The following AUH variants were observed in gnomAD, a reference collection of about 807,000 sequenced individuals.
AUH encodes the protein AU RNA binding methylglutaconyl-CoA hydratase.
A neutral mutation model predicts 42.3 loss-of-function variants in AUH; 29 were observed. The ratio of observed to expected loss-of-function variants is 0.69; its 90% confidence interval spans 0.51 to 0.93. The LOEUF is 0.93. Among genes scored for constraint, AUH ranks in the 40% least tolerant of loss-of-function variants. The probability of loss-of-function intolerance (pLI) is 0.00; values close to 1 mark genes in which losing one functional copy is unlikely to be tolerated. For synonymous variants in AUH, 174 were observed against 166.4 expected, an observed-to-expected ratio of 1.05 and a Z score of -0.35; for missense variants, 452 against 438.1, an observed-to-expected ratio of 1.03 and a Z score of -0.28.
Position 91,304,579 on chromosome 9 carries a change from G to T in AUH, c.506-6503C>A, listed in dbSNP as rs141723594. ...CAGCACCTTGTACCTAAAGCTTATA[G>T]GAAATATATAACACAAAATGACAAG... On this transcript the variant is annotated intron_variant, in intron 4 of 9. Transcript: ENST00000375731. 6.4e-4 allele frequency among the ~76,000 whole-genome samples: 98 copies of T among 152,204 alleles called. 1 individual carries two copies. In the East Asian group the frequency reaches 0.017, roughly 27 times the overall value.
rs1827480584 is a variant in AUH, at chr9:91,297,984, C to T, written c.598G>A (p.Ala200Thr). ...TGTTTTTAACAGGATTAATTCTTACCTGCTACTCGTATATCACAGGCTAAA... is the reference window on the plus strand; with the variant it reads ...TGTTTTTAACAGGATTAATTCTTACTTGCTACTCGTATATCACAGGCTAAA... ...LALACDIRVA[A>T]SSAKMGLVET... Residue 200 changes from alanine (A) to threonine (T), a missense_variant and splice_region_variant, in exon 5 of 10, where the codon GCT becomes ACT. Transcript: ENST00000375731. 1 of 1,595,440 alleles carries T rather than the reference C, an allele frequency of 6.3e-7. No individual in the cohort carries two copies. The highest frequency in any genetic ancestry group is 1.3e-5 in the African/African-American group (1 of 74,530).
At chr9:91,227,689 T>C (rs1402424040) in intron 6 of AUH, among the ~76,000 whole-genome samples, 5 of 148,352 alleles carry the variant, frequency 3.4e-5, no homozygotes, top group Non-Finnish European at 7.5e-5. Flanking sequence ...GGCTGTGGGT[T>C]TGTCATAGAT....
At chr9:91,251,902 G>C (rs909049673) in intron 6 of AUH, among the ~76,000 whole-genome samples, 3 of 152,104 alleles carry the variant, frequency 2.0e-5, no homozygotes, top group Non-Finnish European at 1.5e-5. Context: ...AGCTCCAGAT[G>C]CTGTTGACAA....
At position 91,217,188 on chromosome 9, in the gene AUH, A is replaced by C. The variant is rs1338154105; in HGVS notation, c.894+89T>G. On this transcript the variant is annotated intron_variant, in intron 8 of 9. Transcript: ENST00000375731. ...TTAAACAACCATATTTTAGAACTTT[A>C]AAAAAAATGTAGAAGTCTAAACATG... 3.0e-6 allele frequency: 4 copies of C among 1,336,780 alleles called. No individual in the cohort carries two copies. The Admixed American group carries it at 7.6e-5, about 25-fold the overall frequency. The allele number at this position is 1,336,780 out of a possible 1,614,324, so 82.8% of individuals were successfully genotyped here.
chr9:91,220,911 T>C lies in AUH; in HGVS notation c.737A>G (p.Lys246Arg), dbSNP rs1181609251. 3 of 1,614,246 alleles carry C rather than the reference T, an allele frequency of 1.9e-6. No homozygotes were observed. The South Asian group carries it at 3.3e-5, about 18-fold the overall frequency. ...LIFSARVLDG[K>R]EAKAVGLISH... ...GATTAAGCCCACTGCTTTGGCTTCT[T>C]TGCCATCGAGGACTCGCGCAGAGAA... Residue 246 changes from lysine to arginine, a missense_variant, in exon 7 of 10, where the codon AAA becomes AGA. Physicochemically the swap from Lys to Arg is conservative, Grantham distance 26. Coordinates refer to ENST00000375731, the MANE Select transcript of AUH (RefSeq NM_001698.3).
chr9:91,246,210 C>T (rs1417180939), intron 6 of AUH, among the ~76,000 whole-genome samples: 1 of 152,100 alleles, frequency 6.6e-6, no homozygotes, highest in Non-Finnish European at 1.5e-5. Flanking sequence ...AGAATCAACC[C>T]AAAGCTCACT....
chr9:91,307,485 T>C (rs1828318430), intron 4 of AUH, among the ~76,000 whole-genome samples: 1 of 152,134 alleles, frequency 6.6e-6, no homozygotes, highest in South Asian at 2.1e-4. Context: ...TTAAAAAATA[T>C]TACACGGAAA....
chr9:91,241,235 T>G (rs571813212), intron 6 of AUH, among the ~76,000 whole-genome samples: 1 of 152,290 alleles, frequency 6.6e-6, no homozygotes, highest in East Asian at 1.9e-4. Context: ...TGGACTCTTC[T>G]GTAGCAGCAT....
At chr9:91,240,670 T>C (rs995676078) in intron 6 of AUH, among the ~76,000 whole-genome samples, 3 of 151,918 alleles carry the variant, frequency 2.0e-5, no homozygotes, top group Admixed American at 6.6e-5. Flanking sequence ...TTTTAGTTCA[T>C]TCTGATCAAT....
chr9:91,264,494 A>T (rs1042673096), intron 6 of AUH, among the ~76,000 whole-genome samples: 2 of 152,212 alleles, frequency 1.3e-5, no homozygotes, highest in African/African-American at 4.8e-5. Context: ...TTGTATAGCC[A>T]TTATTACCTC....
In AUH at chr9:91,296,014, C is replaced by T. The variant is rs748099966; in HGVS notation, c.655+7G>A. 1.5e-5 allele frequency: 25 copies of T among 1,613,898 alleles called. No individual in the cohort carries two copies. The highest frequency in any genetic ancestry group is 1.7e-5 in the Non-Finnish European group (20 of 1,179,962). On this transcript the variant is annotated splice_region_variant and intron_variant, in intron 6 of 9. Coordinates refer to ENST00000375731, the MANE Select transcript of AUH (RefSeq NM_001698.3). The stretch of plus-strand genomic sequence containing the variant: ...GGATTTGAGGAATGGGCGTGAACTA[C>T]TCATACCTCCACCAGGAATAATCGC...
chr9:91,245,203 T>A (rs1210579792), intron 6 of AUH, among the ~76,000 whole-genome samples: 1 of 152,020 alleles, frequency 6.6e-6, no homozygotes. Context: ...GCCCAGCAGG[T>A]GGGAACTGGA....
chr9:91,337,342 ACCT>A (rs1830767983), intron 3 of AUH, among the ~76,000 whole-genome samples: 1 of 151,930 alleles, frequency 6.6e-6, no homozygotes, highest in African/African-American at 2.4e-5. Context: ...TCTCCAACTT[ACCT>A]CCTCCTATTT....
chr9:91,310,895 G>A (rs1828652641), intron 4 of AUH, among the ~76,000 whole-genome samples: 1 of 152,180 alleles, frequency 6.6e-6, no homozygotes, highest in African/African-American at 2.4e-5. Flanking sequence ...AGTTTGATAT[G>A]TATGTGCATC....
chr9:91,276,175 T>C (rs1035437502), intron 6 of AUH, among the ~76,000 whole-genome samples: 1 of 152,110 alleles, frequency 6.6e-6, no homozygotes, highest in African/African-American at 2.4e-5. Context: ...ATGCCTATAA[T>C]CTCAGCATTT....
At chr9:91,357,657 G>A (rs1832526948) in intron 1 of AUH, 1 of 304,336 alleles carries the variant, frequency 3.3e-6, no homozygotes, top group African/African-American at 2.3e-5. Context: ...TGGGGCAAAA[G>A]GAGATGGTTA....
chr9:91,268,410 G>T (rs1830089774), intron 6 of AUH, among the ~76,000 whole-genome samples: 1 of 151,702 alleles, frequency 6.6e-6, no homozygotes. Flanking sequence ...CACACACTGA[G>T]AAAAACATAA....
At chr9:91,306,502 CT>C (rs1442504505) in intron 4 of AUH, 3 of 381,092 alleles carry the variant, frequency 7.9e-6, no homozygotes, top group African/African-American at 2.2e-5. Context: ...CCATTATTGC[CT>C]TGCTTCATAA....
At chr9:91,309,926 G>T (rs1316011013) in intron 4 of AUH, among the ~76,000 whole-genome samples, 2 of 148,734 alleles carry the variant, frequency 1.3e-5, no homozygotes. Context: ...ATGCCTCACA[G>T]TCCTCAGACT....
Sources: allele counts gnomAD v4.1 joint callset (sites outside exome capture counted in the v4.1 genomes callset), GRCh38; gene constraint gnomAD v4.1.1; transcripts MANE v1.5; gene names NCBI Gene and HGNC (gene_info 2026-07-23, HGNC 2026-07-21).